Variants in GALNT18 observed in about 807,000 individuals in gnomAD.
GALNT18 encodes GalNAc-transferase 18.
In GALNT18, 44 loss-of-function variants were observed where a neutral mutation model predicts 69.5. The ratio of observed to expected loss-of-function variants is 0.63; its 90% CI spans 0.50 to 0.81. The LOEUF is 0.81. Ranked by LOEUF, GALNT18 falls within the 40% of genes least tolerant of loss-of-function variation. GALNT18 has a pLI of 0.00. For missense variants in GALNT18, 715 were observed against 810.0 expected (o/e 0.88, Z 1.42); for synonymous variants, 364 against 318.2 (o/e 1.14, Z -1.53).
rs1859156955 is a variant in GALNT18 at position 11,584,096 on chromosome 11, G to A, written c.235+37263C>T. On this transcript the variant is annotated intron_variant, in intron 1 of 10. Transcript: ENST00000227756. The surrounding 1 kb of genome is among the most constrained non-coding windows in gnomAD (Gnocchi z 4.1). Reference sequence around the variant, plus strand: ...GTGGTCAAGCAGAAAAGAGATAAGAGGACATACGGAGAGAAGTAAAAAGGG... The same window carrying A: ...GTGGTCAAGCAGAAAAGAGATAAGAAGACATACGGAGAGAAGTAAAAAGGG... Among the ~76,000 whole-genome samples the A allele has an allele frequency of 6.6e-6, 1 of 151,992 alleles. No individual in the cohort carries two copies. Among genetic ancestry groups the A allele is most frequent in the Non-Finnish European group, 1.5e-5 (1 of 67,994 alleles).
chr11:11,339,691 T>A lies in GALNT18; in HGVS notation c.1278+1128A>T, dbSNP rs1850170197. ...GAGTTGGCTGCACTCTGGCTGATAT[T>A]TCTCCGCTCCTCATTCTTGCTCCCA... On this transcript the variant is annotated intron_variant, in intron 7 of 10. Coordinates refer to ENST00000227756, the MANE Select transcript of GALNT18 (RefSeq NM_198516.3). The surrounding 1 kb of genome is among the most constrained non-coding windows in gnomAD (Gnocchi z 5.2). Among the ~76,000 whole-genome samples, 3 of 152,164 alleles carry A rather than the reference T, an allele frequency of 2.0e-5. No individual in the cohort carries two copies. The highest frequency in any genetic ancestry group is 4.4e-5 in the Non-Finnish European group (3 of 68,014).
chr11:11,384,602 G>A (rs1390001521), intron 3 of GALNT18, among the ~76,000 whole-genome samples: 9 of 152,166 alleles, frequency 5.9e-5, no homozygotes, highest in Non-Finnish European at 7.3e-5. Context: ...AACCACAGCA[G>A]CCCTCATAAA....
rs763260675 is a variant in GALNT18, at chr11:11,341,534, T to C, written c.1093-530A>G. The stretch of plus-strand genomic sequence containing the variant: ...TCTTTCCGAGGCTCTGGGTTCTGAC[T>C]GAATCTGAGGGAGAGCGCTGCAAAG... On this transcript the variant is annotated intron_variant, in intron 6 of 10. Coordinates refer to ENST00000227756, the MANE Select transcript of GALNT18 (RefSeq NM_198516.3). This position sits in a 1 kb window ranked among gnomAD's most constrained non-coding sequence, Gnocchi z 6.3. Among the ~76,000 whole-genome samples, 1 of 152,202 alleles carries C rather than the reference T, an allele frequency of 6.6e-6. No individual in the cohort carries two copies. The highest frequency in any genetic ancestry group is 1.5e-5 in the Non-Finnish European group (1 of 68,032).
intron 3 of GALNT18, among the ~76,000 whole-genome samples, chr11:11,407,322 C>T (rs1415622504): frequency 1.3e-5 from 2 of 152,182 alleles, no homozygotes; most frequent in Non-Finnish European, 2.9e-5. Flanking sequence ...GGTGCTGAAT[C>T]GCTGAAAGCA....
intron 3 of GALNT18, among the ~76,000 whole-genome samples, chr11:11,392,480 G>A (rs1301280828): frequency 1.3e-5 from 2 of 152,150 alleles, no homozygotes; most frequent in Non-Finnish European, 2.9e-5. Flanking sequence ...CTAGCTGGGT[G>A]TGGTAGCGCA....
chr11:11,563,740 C>G lies in GALNT18; in HGVS notation c.235+57619G>C, dbSNP rs886090895. Reference sequence around the variant, plus strand: ...ACTCTCTCCTCCCAGCCCTGCCTCCCTAGCACCACACTTTTGTGGAAACTA... The same window carrying G: ...ACTCTCTCCTCCCAGCCCTGCCTCCGTAGCACCACACTTTTGTGGAAACTA... On this transcript the variant is annotated intron_variant, in intron 1 of 10. Coordinates refer to ENST00000227756, the MANE Select transcript of GALNT18 (RefSeq NM_198516.3). This position sits in a 1 kb window ranked among gnomAD's most constrained non-coding sequence, Gnocchi z 4.6. 2.6e-5 allele frequency among the ~76,000 whole-genome samples: 4 copies of G among 152,336 alleles called. No individual in the cohort carries two copies. Among genetic ancestry groups the G allele is most frequent in the Middle Eastern group, 3.4e-3 (1 of 294 alleles).
intron 10 of GALNT18, among the ~76,000 whole-genome samples, chr11:11,285,103 G>A (rs547110558): frequency 6.6e-6 from 1 of 151,912 alleles, no homozygotes; most frequent in South Asian, 2.1e-4. Context: ...GGAGTTTGCT[G>A]AGGAGGTAGG....
At chr11:11,276,263 G>C (rs1249700160) in intron 10 of GALNT18, among the ~76,000 whole-genome samples, 7 of 152,118 alleles carry the variant, frequency 4.6e-5, no homozygotes, top group Non-Finnish European at 1.0e-4. Context: ...TTGTAAGTTG[G>C]ATTCCTAGGT....
At chr11:11,301,460 A>G (rs989397721) in intron 9 of GALNT18, among the ~76,000 whole-genome samples, 1 of 152,198 alleles carries the variant, frequency 6.6e-6, no homozygotes, top group Non-Finnish European at 1.5e-5. Context: ...TAAATCAGAA[A>G]TGAAGGAGAG....
At chr11:11,365,481 G>A (rs1369444154) in intron 6 of GALNT18, among the ~76,000 whole-genome samples, 1 of 152,148 alleles carries the variant, frequency 6.6e-6, no homozygotes, top group Non-Finnish European at 1.5e-5. Context: ...CTTTATAGTA[G>A]AAAGATTTAT....
chr11:11,579,868 C>T (rs940366106), intron 1 of GALNT18, among the ~76,000 whole-genome samples: 3 of 152,156 alleles, frequency 2.0e-5, no homozygotes, highest in African/African-American at 7.2e-5. Flanking sequence ...AAGAATGTGG[C>T]TTGAACATTC....
At position 11,377,113 on chromosome 11, in the gene GALNT18, T is replaced by C. The variant is rs1311783916; in HGVS notation, c.977+69A>G. 27 of 1,455,638 alleles carry C rather than the reference T, an allele frequency of 1.9e-5. No individual in the cohort carries two copies. The highest frequency in any genetic ancestry group is 2.4e-5 in the Non-Finnish European group (25 of 1,045,466). 90.2% of individuals were successfully genotyped at this position (1,455,638 alleles called of 1,614,324 possible). A position where few individuals can be genotyped will look rare whatever the true frequency, so the allele number is the denominator to read the frequency against. ...TGGGGCTCAAGTTGGAGAATAAGCA[T>C]TGGACCAGTAGGCGGTCCCTAGCCT... On this transcript the variant is annotated intron_variant, in intron 5 of 10. Coordinates refer to ENST00000227756, the MANE Select transcript of GALNT18 (RefSeq NM_198516.3). The surrounding 1 kb of genome is among the most constrained non-coding windows in gnomAD (Gnocchi z 4.6).
In GALNT18 at chr11:11,435,369, G is replaced by A. The variant is rs772289881; in HGVS notation, c.429-2582C>T. ...TTTGAGCTGCCAGTCTCTGGAAGCT[G>A]GTCTCCGGATGGTCTTTCTCCACGC... On this transcript the variant is annotated intron_variant, in intron 2 of 10. Transcript: ENST00000227756. This position sits in a 1 kb window ranked among gnomAD's most constrained non-coding sequence, Gnocchi z 4.4. 2.0e-5 allele frequency among the ~76,000 whole-genome samples: 3 copies of A among 152,142 alleles called. No individual in the cohort carries two copies. Among genetic ancestry groups the A allele is most frequent in the Non-Finnish European group, 4.4e-5 (3 of 68,008 alleles).
chr11:11,443,464 C>T (rs1306183958), intron 2 of GALNT18, among the ~76,000 whole-genome samples: 1 of 152,144 alleles, frequency 6.6e-6, no homozygotes, highest in Non-Finnish European at 1.5e-5. Context: ...GTAGTCCACA[C>T]CCCAATTGAG....
intron 1 of GALNT18, among the ~76,000 whole-genome samples, chr11:11,525,789 C>G (rs1393977765): frequency 1.3e-5 from 2 of 151,992 alleles, no homozygotes; most frequent in African/African-American, 4.8e-5. Context: ...CGCCCGCCAC[C>G]ACGCCCAGCT....
Position 11,557,613 on chromosome 11 carries a change from C to G in GALNT18, c.235+63746G>C, listed in dbSNP as rs147395884. ...TCAGATGAGTTGTACTTTAAAGACACACAGAACGCTGTGTGGCACACGCTG... is the reference window on the plus strand; with the variant it reads ...TCAGATGAGTTGTACTTTAAAGACAGACAGAACGCTGTGTGGCACACGCTG... On this transcript the variant is annotated intron_variant, in intron 1 of 10. Transcript: ENST00000227756. Among the ~76,000 whole-genome samples the G allele has an allele frequency of 8.0e-4, 122 of 152,320 alleles. 1 individual carries two copies. The highest frequency in any genetic ancestry group is 2.9e-3 in the African/African-American group (119 of 41,570).
chr11:11,330,233 TG>T (rs760969170), intron 8 of GALNT18, among the ~76,000 whole-genome samples: 14 of 152,230 alleles, frequency 9.2e-5, no homozygotes, highest in Non-Finnish European at 1.6e-4. Flanking sequence ...AGAAGTCATT[TG>T]TCCTGAACAA....
chr11:11,353,040 T>G, intron 6 of GALNT18: 1 of 1,614,224 alleles, frequency 6.2e-7, no homozygotes, highest in Admixed American at 1.7e-5. Flanking sequence ...CACATGTGAC[T>G]CGTAATCCCA....
At chr11:11,458,381 A>T (rs1266494736) in intron 1 of GALNT18, among the ~76,000 whole-genome samples, 4 of 152,228 alleles carry the variant, frequency 2.6e-5, no homozygotes, top group Admixed American at 6.5e-5. Context: ...CCCATTTTAA[A>T]TGTACAATTC....
Sources: allele counts gnomAD v4.1 joint callset (sites outside exome capture counted in the v4.1 genomes callset), GRCh38; gene constraint gnomAD v4.1.1; non-coding constraint Gnocchi (gnomAD v3.1); transcripts MANE v1.5; gene names NCBI Gene and HGNC (gene_info 2026-07-23, HGNC 2026-07-21).